The following GPC6 variants were observed in gnomAD, a reference collection of about 807,000 sequenced individuals.
The protein encoded by GPC6 is glypican-6.
GPC6 carries 14 observed loss-of-function variants against 55.2 expected under a neutral mutation model. The ratio of observed to expected loss-of-function variants is 0.25; its 90% CI spans 0.17 to 0.40. GPC6 has a LOEUF of 0.40. Among genes scored for constraint, GPC6 ranks in the 10% least tolerant of loss-of-function variants. The probability of loss-of-function intolerance (pLI) is 1.00; values close to 1 mark genes in which losing one functional copy is unlikely to be tolerated. For missense variants in GPC6, 641 were observed against 708.5 expected (o/e 0.90, Z 1.08); for synonymous variants, 278 against 259.6 (o/e 1.07, Z -0.68).
chr13:93,222,483 G>A (rs906094653), upstream of GPC6, among the ~76,000 whole-genome samples: 1 of 152,018 alleles, frequency 6.6e-6, no homozygotes, highest in African/African-American at 2.4e-5. Flanking sequence ...CTTCACACAC[G>A]ATTCCATGTG....
chr13:93,941,904 A>T (rs1380331876), intron 3 of GPC6, among the ~76,000 whole-genome samples: 1 of 152,204 alleles, frequency 6.6e-6, no homozygotes, highest in East Asian at 1.9e-4. Flanking sequence ...TAACTTTCCT[A>T]TGGTGCAAAA....
intron 1 of GPC6, among the ~76,000 whole-genome samples, chr13:93,279,040 A>G (rs1422445345): frequency 6.6e-6 from 1 of 152,240 alleles, no homozygotes; most frequent in Non-Finnish European, 1.5e-5. Context: ...AAAGCTGCCT[A>G]TTATTAAGGA....
At chr13:94,165,293 C>T (rs1486060811) in intron 4 of GPC6, among the ~76,000 whole-genome samples, 2 of 144,052 alleles carry the variant, frequency 1.4e-5, no homozygotes, top group Non-Finnish European at 3.0e-5. Flanking sequence ...TATATATATA[C>T]ATAATGGAAT....
intron 2 of GPC6, among the ~76,000 whole-genome samples, chr13:93,752,291 C>A (rs937670814): frequency 6.6e-6 from 1 of 152,064 alleles, no homozygotes; most frequent in Non-Finnish European, 1.5e-5. Flanking sequence ...ATATGCACTT[C>A]CAGCAGTTTC....
In GPC6 at chr13:94,317,208, A is replaced by T. The variant is rs536605924; in HGVS notation, c.1152+11085A>T. ...ATTCAGCTGGAAGAAAACTTAGAAT[A>T]CAAATTCATAAATTATTTATGCATG... On this transcript the variant is annotated intron_variant, in intron 6 of 8. Coordinates refer to ENST00000377047, the MANE Select transcript of GPC6 (RefSeq NM_005708.5). 3.3e-5 allele frequency among the ~76,000 whole-genome samples: 5 copies of T among 152,356 alleles called. No homozygotes were observed. In the East Asian group the frequency reaches 9.6e-4, roughly 29 times the overall value.
At chr13:93,451,971 C>A (rs1167889100) in intron 1 of GPC6, among the ~76,000 whole-genome samples, 1 of 152,008 alleles carries the variant, frequency 6.6e-6, no homozygotes, top group African/African-American at 2.4e-5. Context: ...CTGGGTTTAT[C>A]TTTATGCTAA....
intron 3 of GPC6, among the ~76,000 whole-genome samples, chr13:93,992,578 A>G (rs936672477): frequency 2.0e-5 from 3 of 152,196 alleles, no homozygotes; most frequent in African/African-American, 7.2e-5. Flanking sequence ...GTTGCACTCA[A>G]GGTTAATTCA....
intron 6 of GPC6, among the ~76,000 whole-genome samples, chr13:94,375,570 A>G (rs1384299754): frequency 1.3e-5 from 2 of 151,816 alleles, no homozygotes; most frequent in African/African-American, 4.8e-5. Flanking sequence ...CTTACCAACC[A>G]AAAAGAGTCC....
Position 94,303,339 on chromosome 13 carries a change from C to G in GPC6, c.1009-2641C>G, listed in dbSNP as rs1318270753. Reference sequence around the variant, plus strand: ...TTGCCTAATTAGCATTTTAAGCTCTCTTTACTACCTGATCGGGTGTGAGCT... The same window carrying G: ...TTGCCTAATTAGCATTTTAAGCTCTGTTTACTACCTGATCGGGTGTGAGCT... On this transcript the variant is annotated intron_variant, in intron 5 of 8. Coordinates refer to ENST00000377047, the MANE Select transcript of GPC6 (RefSeq NM_005708.5). 2.0e-5 allele frequency among the ~76,000 whole-genome samples: 3 copies of G among 152,178 alleles called. No homozygotes were observed. In the East Asian group the frequency reaches 5.8e-4, roughly 29 times the overall value.
At position 93,568,986 on chromosome 13, in the gene GPC6, G is replaced by A. The variant is rs182497605; in HGVS notation, c.319+23565G>A. On this transcript the variant is annotated intron_variant, in intron 2 of 8. Transcript: ENST00000377047. ...AGATAGGGAAAGGAACTTGTATCAA[G>A]TCCAGGCATAACTGCCACTACCTCC... Among the ~76,000 whole-genome samples the A allele has an allele frequency of 5.6e-3, 860 of 152,288 alleles. 6 individuals carry two copies. The highest frequency in any genetic ancestry group is 9.3e-3 in the Non-Finnish European group (635 of 68,010).
At chr13:94,231,832 C>CAA (rs201372592) in intron 4 of GPC6, among the ~76,000 whole-genome samples, 8 of 150,840 alleles carry the variant, frequency 5.3e-5, no homozygotes, top group African/African-American at 2.0e-4. Flanking sequence ...AATGAAAACA[C>CAA]AAAAAAAATG....
intron 6 of GPC6, among the ~76,000 whole-genome samples, chr13:94,356,088 C>T (rs953306976): frequency 1.4e-4 from 21 of 151,414 alleles, no homozygotes; most frequent in African/African-American, 5.1e-4. Context: ...CATGTCCCTG[C>T]AGCTCCATCC....
chr13:93,837,562 C>T (rs1196312005), intron 3 of GPC6, among the ~76,000 whole-genome samples: 2 of 152,062 alleles, frequency 1.3e-5, no homozygotes, highest in Non-Finnish European at 2.9e-5. Flanking sequence ...CAAGTACTGT[C>T]GGTTAACTTC....
chr13:94,297,468 A>G (rs1013453366), intron 5 of GPC6, among the ~76,000 whole-genome samples: 1 of 152,092 alleles, frequency 6.6e-6, no homozygotes, highest in African/African-American at 2.4e-5. Flanking sequence ...ACACTCAAAA[A>G]TTTGCTTTGT....
intron 1 of GPC6, among the ~76,000 whole-genome samples, chr13:93,275,178 A>T (rs1877686609): frequency 6.6e-6 from 1 of 151,808 alleles, no homozygotes; most frequent in Non-Finnish European, 1.5e-5. Context: ...ACTCATTGAA[A>T]CTCTTTTCAT....
chr13:93,492,209 T>A (rs1880042377), intron 1 of GPC6, among the ~76,000 whole-genome samples: 1 of 147,514 alleles, frequency 6.8e-6, no homozygotes, highest in Non-Finnish European at 1.5e-5. Flanking sequence ...AGCAGTGGTT[T>A]GTAGTTCTCC....
intron 3 of GPC6, among the ~76,000 whole-genome samples, chr13:93,910,357 C>G (rs1035637078): frequency 6.6e-6 from 1 of 152,032 alleles, no homozygotes; most frequent in Non-Finnish European, 1.5e-5. Context: ...TGAGGCCTCC[C>G]CAGCCACATG....
chr13:93,396,081 A>G (rs540609017), intron 1 of GPC6, among the ~76,000 whole-genome samples: 1 of 152,316 alleles, frequency 6.6e-6, no homozygotes, highest in East Asian at 1.9e-4. Context: ...AACTTGACCT[A>G]CTGGTATCAA....
At chr13:93,730,510 C>T (rs1883785519) in intron 2 of GPC6, among the ~76,000 whole-genome samples, 1 of 152,156 alleles carries the variant, frequency 6.6e-6, no homozygotes, top group Admixed American at 6.6e-5. Context: ...AGAGATGTCA[C>T]TGGCATGGCC....
Sources: gnomAD v4.1 joint callset for allele counts (sites outside exome capture counted in the v4.1 genomes callset) on GRCh38, gnomAD v4.1.1 for gene constraint, MANE v1.5 for transcripts, NCBI Gene and HGNC (gene_info 2026-07-23, HGNC 2026-07-21) for gene names.